The following TSHZ3 variants were observed in gnomAD, a reference collection of about 807,000 sequenced individuals.
TSHZ3 encodes the protein teashirt homolog 3.
TSHZ3 carries 10 observed loss-of-function variants against 64.5 expected under a neutral mutation model. The ratio of observed to expected loss-of-function variants is 0.16; its 90% CI spans 0.10 to 0.26. The LOEUF (loss-of-function observed/expected upper bound fraction) is 0.26. TSHZ3 is among the 10% of genes least tolerant of loss of function. The probability of loss-of-function intolerance (pLI) is 1.00; values close to 1 mark genes in which losing one functional copy is unlikely to be tolerated. For missense variants in TSHZ3, 1,242 were observed against 1,421.7 expected, an observed-to-expected ratio of 0.87 and a Z score of 2.03; for synonymous variants, 608 against 593.1, an observed-to-expected ratio of 1.03 and a Z score of -0.36.
intron 5 of TSHZ3, among the ~76,000 whole-genome samples, chr19:31,202,603 TACA>T (rs1975104092): frequency 6.6e-6 from 1 of 152,216 alleles, no homozygotes; most frequent in Non-Finnish European, 1.5e-5. Flanking sequence ...TTATATTTGA[TACA>T]ACACTGACCT....
chr19:31,337,013 A>ATTTT (rs57786560), intron 1 of TSHZ3, among the ~76,000 whole-genome samples: 2,279 of 131,390 alleles, frequency 0.017, 60 homozygotes, highest in African/African-American at 0.056. Flanking sequence ...CTTTTTTTCT[A>ATTTT]TTTTTTTTTT....
At chr19:31,244,466 A>G (rs763656526) in intron 1 of TSHZ3, among the ~76,000 whole-genome samples, 9 of 152,156 alleles carry the variant, frequency 5.9e-5, no homozygotes, top group Non-Finnish European at 1.2e-4. Context: ...CTACTTTTAT[A>G]AGAAATTTTA....
intron 5 of TSHZ3, among the ~76,000 whole-genome samples, chr19:31,159,865 T>C (rs1974352117): frequency 6.6e-6 from 1 of 152,062 alleles, no homozygotes; most frequent in Non-Finnish European, 1.5e-5. Flanking sequence ...GCTAATCTTT[T>C]ATTTTTCATA....
chr19:31,289,940 C>G (rs77875911), intron 1 of TSHZ3, among the ~76,000 whole-genome samples: 5,300 of 152,296 alleles, frequency 0.035, 144 homozygotes, highest in African/African-American at 0.084. Flanking sequence ...AAAAGAATAT[C>G]TGCTTGACAA....
intron 1 of TSHZ3, among the ~76,000 whole-genome samples, chr19:31,268,779 G>A (rs1445389720): frequency 6.6e-6 from 1 of 152,166 alleles, no homozygotes; most frequent in African/African-American, 2.4e-5. Context: ...AGGACCTCCT[G>A]TACAATCTTG....
chr19:31,208,615 G>A lies in TSHZ3; in HGVS notation n.687-3537C>T, dbSNP rs145639098. Among the ~76,000 whole-genome samples the A allele has an allele frequency of 3.4e-3, 525 of 152,306 alleles. 3 individuals are homozygous for A. The highest frequency in any genetic ancestry group is 0.012 in the African/African-American group (497 of 41,550). On this transcript the variant is annotated intron_variant and non_coding_transcript_variant, in intron 4 of 6. Transcript: ENST00000651361. ...TACCTAACTTGCAGGGTCCTTATGG[G>A]AACTGGAAATAGGATTAGAAGAGTC...
Position 31,279,650 on chromosome 19 carries a change from G to A in TSHZ3, c.143C>T (p.Pro48Leu), listed in dbSNP as rs201870186. Residue 48 changes from proline to leucine, a missense_variant, in exon 2 of 2, where the codon CCG (proline) becomes CTG (leucine). Physicochemically the swap from Pro to Leu is moderately conservative, Grantham distance 98 (BLOSUM62 -3). Around this residue, in one of 4 missense-constraint regions of TSHZ3, gnomAD observed 555 missense variants for 704.0 expected, o/e 0.79. Coordinates refer to ENST00000240587, the MANE Select transcript of TSHZ3 (RefSeq NM_020856.4). The surrounding 1 kb of genome is among the most constrained non-coding windows in gnomAD (Gnocchi z 6.4). ...GCAGGCCCTGGCGAGCTCCTTCTCC[G>A]GGCACATGTACTTGGCCGAGGGCTC... The part of the protein sequence containing the change: ...DGEPSAKYMC[P>L]EKELARACPS... 2.1e-5 allele frequency: 34 copies of A among 1,609,020 alleles called. No homozygotes were observed. Among genetic ancestry groups the A allele is most frequent in the African/African-American group, 8.0e-5 (6 of 74,868 alleles).
At chr19:31,203,918 G>A (rs955275033) in intron 5 of TSHZ3, among the ~76,000 whole-genome samples, 5 of 151,870 alleles carry the variant, frequency 3.3e-5, no homozygotes, top group African/African-American at 1.2e-4. Context: ...AATTTATAAA[G>A]GAAAGAGGCT....
Position 31,277,633 on chromosome 19 carries a change from G to T in TSHZ3, c.2160C>A (p.Asn720Lys). 1 of 1,555,750 alleles carries T rather than the reference G, an allele frequency of 6.4e-7. No individual in the cohort carries two copies. Among genetic ancestry groups the T allele is most frequent in the Non-Finnish European group, 8.7e-7 (1 of 1,152,530 alleles). ...TGACTGACTGCAGGGCGCTCAAAGG[G>T]TTAACAAAAGGCTGTTCAGGCGGGT... ...TDHPPEQPFV[N>K]PLSALQSVMN... The change falls in exon 2 of 2, where the codon AAC (asparagine) becomes AAA (lysine). Residue 720 changes from asparagine (N) to lysine (K), a missense_variant. Physicochemically the swap from Asn to Lys is moderately conservative, Grantham distance 94 (BLOSUM62 0). Around this residue, in one of 4 missense-constraint regions of TSHZ3, gnomAD observed 550 missense variants for 545.1 expected, o/e 1.01. Coordinates refer to ENST00000240587, the MANE Select transcript of TSHZ3 (RefSeq NM_020856.4). This position sits in a 1 kb window ranked among gnomAD's most constrained non-coding sequence, Gnocchi z 4.5.
intron 1 of TSHZ3, among the ~76,000 whole-genome samples, chr19:31,346,545 CT>C (rs1917597453): frequency 1.3e-5 from 2 of 152,200 alleles, no homozygotes; most frequent in Admixed American, 1.3e-4. Flanking sequence ...CTGAGCGGAC[CT>C]TTCAGTTTGG....
intron 1 of TSHZ3, among the ~76,000 whole-genome samples, chr19:31,318,758 T>C (rs1916679291): frequency 6.6e-6 from 1 of 152,238 alleles, no homozygotes. Flanking sequence ...AGCAATTATG[T>C]CATAAGCCCA....
chr19:31,293,112 C>CCCAT (rs1452520876), intron 1 of TSHZ3, among the ~76,000 whole-genome samples: 1 of 151,548 alleles, frequency 6.6e-6, no homozygotes, highest in Non-Finnish European at 1.5e-5. Flanking sequence ...CAAAAACGTA[C>CCCAT]CCATCCATCC....
At chr19:31,318,511 A>G (rs1293476711) in intron 1 of TSHZ3, among the ~76,000 whole-genome samples, 1 of 152,220 alleles carries the variant, frequency 6.6e-6, no homozygotes, top group African/African-American at 2.4e-5. Flanking sequence ...TAACAGTATA[A>G]AAGCATTACA....
intron 1 of TSHZ3, among the ~76,000 whole-genome samples, chr19:31,327,838 TAAAG>T (rs1262707364): frequency 6.6e-6 from 1 of 152,064 alleles, no homozygotes; most frequent in Non-Finnish European, 1.5e-5. Flanking sequence ...GGAAAAAAAA[TAAAG>T]AAATGAGAAA....
chr19:31,278,180 T>C lies in TSHZ3; in HGVS notation c.1613A>G (p.Gln538Arg), dbSNP rs867682858. The C allele has an allele frequency of 1.2e-6, 2 of 1,614,216 alleles. No individual in the cohort carries two copies. Among genetic ancestry groups the C allele is most frequent in the South Asian group, 1.1e-5 (1 of 91,084 alleles). ...NTVTSAINKAQNGTPSWGGYP... is the reference protein window; with the variant it reads ...NTVTSAINKARNGTPSWGGYP... The stretch of plus-strand genomic sequence containing the variant: ...GCCCCCCCAGCTAGGAGTGCCGTTC[T>C]GGGCCTTGTTGATTGCGGATGTCAC... The change falls in exon 2 of 2, where the codon CAG becomes CGG. Residue 538 changes from glutamine (Q) to arginine (R), a missense_variant. Coordinates refer to ENST00000240587, the MANE Select transcript of TSHZ3 (RefSeq NM_020856.4). This position sits in a 1 kb window ranked among gnomAD's most constrained non-coding sequence, Gnocchi z 4.7.
chr19:31,348,958 C>T, intron 1 of TSHZ3: 1 of 543,938 alleles, frequency 1.8e-6, no homozygotes, highest in Non-Finnish European at 3.1e-6. Context: ...GCGAGCGGCT[C>T]CCCAAATGGG....
At chr19:31,221,707 T>C (rs1049298448) in intron 4 of TSHZ3, among the ~76,000 whole-genome samples, 1 of 152,226 alleles carries the variant, frequency 6.6e-6, no homozygotes, top group Non-Finnish European at 1.5e-5. Context: ...AATGGTGGCC[T>C]GTCGCTGGGC....
At chr19:31,207,176 GA>G (rs1482925282) in intron 4 of TSHZ3, among the ~76,000 whole-genome samples, 2 of 151,990 alleles carry the variant, frequency 1.3e-5, no homozygotes, top group African/African-American at 2.4e-5. Flanking sequence ...TGAATGCATT[GA>G]AAAAAGTGAT....
At chr19:31,283,341 A>C (rs1976399442) in intron 1 of TSHZ3, among the ~76,000 whole-genome samples, 1 of 152,168 alleles carries the variant, frequency 6.6e-6, no homozygotes, top group South Asian at 2.1e-4. Flanking sequence ...TCCAAAAATA[A>C]ATACATAAAA....
Sources: gnomAD v4.1 joint callset for allele counts (sites outside exome capture counted in the v4.1 genomes callset) on GRCh38, gnomAD v4.1.1 for gene constraint, gnomAD v4.1.1 regional missense constraint, Gnocchi (gnomAD v3.1) non-coding constraint, MANE v1.5 for transcripts, NCBI Gene and HGNC (gene_info 2026-07-23, HGNC 2026-07-21) for gene names.